Variants in SPTAN1 observed in about 807,000 individuals in gnomAD.
SPTAN1 encodes spectrin alpha, non-erythrocytic 1, also known as spectrin alpha chain, non-erythrocytic 1.
Under a neutral mutation model 331.3 loss-of-function variants are expected in SPTAN1, and 61 were observed. The ratio of observed to expected loss-of-function variants is 0.18; its 90% CI spans 0.15 to 0.23. The LOEUF is 0.23. Among genes scored for constraint, SPTAN1 ranks in the 10% least tolerant of loss-of-function variants. The probability of loss-of-function intolerance (pLI) is 1.00; values close to 1 mark genes in which losing one functional copy is unlikely to be tolerated. For missense variants in SPTAN1, 2,043 were observed against 3,147.9 expected (o/e 0.65, Z 8.40); for synonymous variants, 1,153 against 1,173.9 (o/e 0.98, Z 0.36).
At position 128,632,817 on chromosome 9, in the gene SPTAN1, T is replaced by C. The variant is rs1425543490; in HGVS notation, c.7170T>C (p.His2390=). ...LDTVDPNRDG[H]VSLQEYMAFM... ...CTTCCCCCGCTCCTAGAGATGGCCA[T>C]GTCTCCTTGCAAGAATACATGGCTT... The change falls in exon 56 of 57, where the codon CAT becomes CAC. Residue 2390 remains histidine, a synonymous_variant. Coordinates refer to ENST00000372739, the MANE Select transcript of SPTAN1 (RefSeq NM_001130438.3). 11 of 1,614,106 alleles carry C rather than the reference T, an allele frequency of 6.8e-6. No individual in the cohort carries two copies. The Middle Eastern group carries it at 4.9e-4, about 73-fold the overall frequency.
chr9:128,610,298 T>C lies in SPTAN1; in HGVS notation c.4773+633T>C, dbSNP rs1289505993. On this transcript the variant is annotated intron_variant, in intron 37 of 56. Coordinates refer to ENST00000372739, the MANE Select transcript of SPTAN1 (RefSeq NM_001130438.3). ...CTTAAGCGGGTGGAAGAAATGAAGA[T>C]AGAGAAGAGAGTAAATGGGATTTGA... 2.0e-5 allele frequency among the ~76,000 whole-genome samples: 3 copies of C among 152,270 alleles called. No homozygotes were observed. The East Asian group carries it at 5.8e-4, about 29-fold the overall frequency.
Position 128,619,322 on chromosome 9 carries a change from C to T in SPTAN1, c.5733+319C>T, listed in dbSNP as rs142349324. Among the ~76,000 whole-genome samples, 110 of 152,280 alleles carry T rather than the reference C, an allele frequency of 7.2e-4. 2 individuals carry two copies. The highest frequency in any genetic ancestry group is 3.4e-3 in the Middle Eastern group (1 of 294). On this transcript the variant is annotated intron_variant, in intron 44 of 56. Coordinates refer to ENST00000372739, the MANE Select transcript of SPTAN1 (RefSeq NM_001130438.3). ...AGTACCACAAACGGAGTGGCACGAA[C>T]GGAGTACCACAGACAGAGTGGCACA...
At position 128,630,301 on chromosome 9, in the gene SPTAN1, C is replaced by T; in HGVS notation, c.6708-20C>T. 6.2e-7 allele frequency: 1 copy of T among 1,613,918 alleles called. No homozygotes were observed. Among genetic ancestry groups the T allele is most frequent in the Non-Finnish European group, 8.5e-7 (1 of 1,179,934 alleles). ...CCAGCTGGGAGCAGGCCCCTTTCCT[C>T]ACTGTCCTTCCACGTTTAGGTCCTG... is the stretch of plus-strand genomic sequence containing the variant. On this transcript the variant is annotated intron_variant, in intron 51 of 56. Transcript: ENST00000372739.
intron 23 of SPTAN1, 148 bp downstream of exon 23, chr9:128,593,190 A>G (rs1411796756): frequency 4.7e-6 from 4 of 849,916 alleles, no homozygotes; most frequent in Admixed American, 2.0e-5. Context: ...TTTGGCTCAC[A>G]AGGGAAGAGG....
Position 128,584,429 on chromosome 9 carries a change from G to T in SPTAN1, c.2341G>T (p.Ala781Ser), listed in dbSNP as rs1328421142. 5 of 1,614,174 alleles carry T rather than the reference G, an allele frequency of 3.1e-6. No individual in the cohort carries two copies. In the Admixed American group the frequency reaches 5.0e-5, roughly 16 times the overall value. Residue 781 changes from alanine (A) to serine (S), a missense_variant, in exon 17 of 57, where the codon GCC becomes TCC. Transcript: ENST00000372739. Reference sequence around the variant, plus strand: ...CATGGTTGCCCGGAAGCAGAAGCTGGCCGATTCTCTGCGGTTGCAGCAGCT... The same window carrying T: ...CATGGTTGCCCGGAAGCAGAAGCTGTCCGATTCTCTGCGGTTGCAGCAGCT... Reference protein sequence around the residue: ...EPMVARKQKLADSLRLQQLFR... With the variant: ...EPMVARKQKLSDSLRLQQLFR...
At position 128,577,923 on chromosome 9, in the gene SPTAN1, A is replaced by G. The variant is rs1343148196; in HGVS notation, c.1086-187A>G. ...GTGATGGAGAGAACCTAAGTTTTAA[A>G]GGGTTGATTTCAGCCTTCTCTTGCT... On this transcript the variant is annotated intron_variant, in intron 8 of 56. Coordinates refer to ENST00000372739, the MANE Select transcript of SPTAN1 (RefSeq NM_001130438.3). The surrounding 1 kb of genome is among the most constrained non-coding windows in gnomAD (Gnocchi z 4.2). Among the ~76,000 whole-genome samples the G allele has an allele frequency of 6.6e-6, 1 of 152,208 alleles. No individual in the cohort carries two copies. Among genetic ancestry groups the G allele is most frequent in the African/African-American group, 2.4e-5 (1 of 41,464 alleles).
intron 48 of SPTAN1, 99 bp from the exon 49 acceptor site, chr9:128,626,292 G>T: frequency 7.0e-7 from 1 of 1,421,492 alleles, no homozygotes. Flanking sequence ...GGCTGTGTGC[G>T]CCTCTGATTC....
intron 19 of SPTAN1, among the ~76,000 whole-genome samples, chr9:128,587,008 A>G (rs1347411179): frequency 6.6e-6 from 1 of 151,910 alleles, no homozygotes; most frequent in African/African-American, 2.4e-5. Flanking sequence ...TTTAGGAGAG[A>G]TGGGGTTTCA....
intron 22 of SPTAN1, 22 bp downstream of exon 22, chr9:128,591,647 G>C (rs754940960): frequency 6.2e-7 from 1 of 1,612,812 alleles, no homozygotes; most frequent in Non-Finnish European, 8.5e-7. Context: ...ACTGGGGGCC[G>C]CAAGGGCTAG....
chr9:128,631,940 C>T (rs1048584998), intron 52 of SPTAN1, 187 bp from the exon 53 acceptor site: 14 of 630,092 alleles, frequency 2.2e-5, no homozygotes, highest in South Asian at 5.9e-5. Flanking sequence ...GAAAGTCTCT[C>T]CCTCTATTGA....
rs1859310257 is a variant in SPTAN1 at position 128,629,388 on chromosome 9, G to C, written c.6708-933G>C. The stretch of plus-strand genomic sequence containing the variant: ...CCCCGGGGGGACATGGCGTGACTGT[G>C]AGTCTGACCTGCTGGGGTAGGAGGA... On this transcript the variant is annotated intron_variant, in intron 51 of 56. Transcript: ENST00000372739. This position sits in a 1 kb window ranked among gnomAD's most constrained non-coding sequence, Gnocchi z 4.9. 6.6e-6 allele frequency among the ~76,000 whole-genome samples: 1 copy of C among 151,968 alleles called. No homozygotes were observed. Among genetic ancestry groups the C allele is most frequent in the South Asian group, 2.1e-4 (1 of 4,816 alleles).
rs116465900 is a variant in SPTAN1 at position 128,577,541 on chromosome 9, T to C, written c.1085+35T>C. On this transcript the variant is annotated intron_variant, in intron 8 of 56. Transcript: ENST00000372739. This position sits in a 1 kb window ranked among gnomAD's most constrained non-coding sequence, Gnocchi z 4.2. ...ATGCTCCAGGTCTTAACCAGTATCA[T>C]TTGGCTTCTTTTTTGGAAGCAGGAA... is the stretch of plus-strand genomic sequence containing the variant. The C allele has an allele frequency of 6.8e-4, 1,090 of 1,612,096 alleles. 5 individuals are homozygous for C. The African/African-American group carries it at 0.012, about 18-fold the overall frequency.
At chr9:128,622,319 G>A (rs1207170697) in intron 45 of SPTAN1, among the ~76,000 whole-genome samples, 8 of 112,032 alleles carry the variant, frequency 7.1e-5, no homozygotes, top group East Asian at 3.1e-4. Context: ...TTTTTTTTGC[G>A]ACGGAGTTTC....
At position 128,583,932 on chromosome 9, in the gene SPTAN1, A is replaced by G. The variant is rs1405073503; in HGVS notation, c.2156A>G (p.Lys719Arg). Residue 719 changes from lysine to arginine, a missense_variant, in exon 16 of 57, where the codon AAA becomes AGA. By Grantham distance (26) the Lys-to-Arg change is conservative (BLOSUM62 2). Coordinates refer to ENST00000372739, the MANE Select transcript of SPTAN1 (RefSeq NM_001130438.3). ...DLTNVQNLQK[K>R]HALLEADVAA... Reference sequence around the variant, plus strand: ...ACCAATGTGCAGAACCTCCAGAAGAAACATGCACTGCTAGAGGCAGATGTG... The same window carrying G: ...ACCAATGTGCAGAACCTCCAGAAGAGACATGCACTGCTAGAGGCAGATGTG... The G allele has an allele frequency of 2.5e-6, 4 of 1,614,212 alleles. No homozygotes were observed. Among genetic ancestry groups the G allele is most frequent in the Non-Finnish European group, 2.5e-6 (3 of 1,180,040 alleles).
chr9:128,606,737 C>A (rs188816972), intron 31 of SPTAN1, among the ~76,000 whole-genome samples: 1 of 152,014 alleles, frequency 6.6e-6, no homozygotes, highest in South Asian at 2.1e-4. Context: ...CCACCCACCT[C>A]GGCCTCCCAA....
At chr9:128,590,930 C>A (rs1853410996) in intron 21 of SPTAN1, among the ~76,000 whole-genome samples, 2 of 152,158 alleles carry the variant, frequency 1.3e-5, no homozygotes, top group African/African-American at 4.8e-5. Context: ...AGCTCTGGAG[C>A]ATCTAAGCAG....
intron 22 of SPTAN1, 71 bp downstream of exon 22, chr9:128,591,696 C>T (rs751721701): frequency 2.0e-5 from 32 of 1,599,040 alleles, no homozygotes; most frequent in Non-Finnish European, 2.6e-5. Context: ...TGGGCCGAAG[C>T]TTAGGCGTGT....
Position 128,625,852 on chromosome 9 carries a change from C to T in SPTAN1, c.6153C>T (p.Ala2051=). 13 of 1,614,194 alleles carry T rather than the reference C, an allele frequency of 8.1e-6. No homozygotes were observed. Among genetic ancestry groups the T allele is most frequent in the African/African-American group, 1.3e-5 (1 of 75,030 alleles). ...CCCTCAAAGATCAGCTTCTCGCCGCCAAACACGTTCAGTCCAAGGCCATCG... is the reference window on the plus strand; with the variant it reads ...CCCTCAAAGATCAGCTTCTCGCCGCTAAACACGTTCAGTCCAAGGCCATCG... ...ITALKDQLLA[A]KHVQSKAIEA... The change falls in exon 48 of 57, where the codon GCC becomes GCT. Residue 2051 remains alanine (A), a synonymous_variant. Coordinates refer to ENST00000372739, the MANE Select transcript of SPTAN1 (RefSeq NM_001130438.3). The surrounding 1 kb of genome is among the most constrained non-coding windows in gnomAD (Gnocchi z 4.1).
rs547858679 is a variant in SPTAN1, at chr9:128,597,744, C to T, written c.3415-656C>T. Among the ~76,000 whole-genome samples, 5 of 152,252 alleles carry T rather than the reference C, an allele frequency of 3.3e-5. No homozygotes were observed. The East Asian group carries it at 9.7e-4, about 29-fold the overall frequency. On this transcript the variant is annotated intron_variant, in intron 24 of 56. Coordinates refer to ENST00000372739, the MANE Select transcript of SPTAN1 (RefSeq NM_001130438.3). ...GCTCACTGTAACCTCTGCCGCACCC[C>T]GGTTCAAGCGATTCTCCTGCCTCAA...
Sources: gnomAD v4.1 joint callset for allele counts (sites outside exome capture counted in the v4.1 genomes callset) on GRCh38, gnomAD v4.1.1 for gene constraint, Gnocchi (gnomAD v3.1) non-coding constraint, MANE v1.5 for transcripts, NCBI Gene and HGNC (gene_info 2026-07-23, HGNC 2026-07-21) for gene names.